Variants in DNAJC27 observed in about 807,000 individuals in gnomAD.
DNAJC27 encodes DnaJ heat shock protein family (Hsp40) member C27, also known as dnaJ homolog subfamily C member 27.
A neutral mutation model predicts 31.4 loss-of-function variants in DNAJC27; 25 were observed. The observed-to-expected ratio is 0.80, with a 90% confidence interval of 0.58 to 1.11. The LOEUF is 1.11. Among genes scored for constraint, DNAJC27 ranks in the 50% most tolerant of loss-of-function variants. The pLI is 0.00. For synonymous variants in DNAJC27, 106 were observed against 112.7 expected (o/e 0.94, Z 0.37); for missense variants, 356 against 347.3 (o/e 1.02, Z -0.20).
chr2:24,965,679 G>C (rs1251869841), intron 2 of DNAJC27, among the ~76,000 whole-genome samples: 1 of 152,204 alleles, frequency 6.6e-6, no homozygotes, highest in Non-Finnish European at 1.5e-5. Context: ...GGTGCTGTAA[G>C]AGCATTACAC....
chr2:24,967,624 C>G (rs1037505190), intron 1 of DNAJC27, among the ~76,000 whole-genome samples: 2 of 151,530 alleles, frequency 1.3e-5, no homozygotes, highest in East Asian at 3.9e-4. Flanking sequence ...TGTGTAAACC[C>G]GGGAGGCGGA....
At chr2:24,963,298 T>C in intron 3 of DNAJC27, 107 bp downstream of exon 3, 2 of 804,028 alleles carry the variant, frequency 2.5e-6, no homozygotes, top group Non-Finnish European at 3.9e-6. Context: ...GCTAAAATTA[T>C]GCAATTTTAC....
At position 24,947,679 on chromosome 2, in the gene DNAJC27, G is replaced by T; in HGVS notation, c.759C>A (p.Gly253=). The part of the protein sequence containing the change: ...LLHPDKCVAP[G]SEDAFKAVVN... ...CAACTGCTTTGAAGGCATCTTCACT[G>T]CCAGGTGCTACACATTTGTCAGGGT... Residue 253 remains glycine (G), a synonymous_variant, in exon 7 of 7, where the codon GGC becomes GGA. Coordinates refer to ENST00000264711, the MANE Select transcript of DNAJC27 (RefSeq NM_016544.3). 6.2e-7 allele frequency: 1 copy of T among 1,613,406 alleles called. No homozygotes were observed. Among genetic ancestry groups the T allele is most frequent in the Non-Finnish European group, 8.5e-7 (1 of 1,179,408 alleles).
rs1665639035 is a variant in DNAJC27 at position 24,945,967 on chromosome 2, C to T, written c.*1649G>A. On this transcript the variant is annotated 3_prime_UTR_variant, in exon 7 of 7. Coordinates refer to ENST00000264711, the MANE Select transcript of DNAJC27 (RefSeq NM_016544.3). ...GGATAGCTTTTTAAAATTCACAGGA[C>T]AGGAAGATTTTATATACTTTCAAGC... 1 of 152,072 alleles carries T rather than the reference C, an allele frequency of 6.6e-6. No homozygotes were observed. Among genetic ancestry groups the T allele is most frequent in the South Asian group, 2.1e-4 (1 of 4,830 alleles). 9.4% of individuals were successfully genotyped at this position (152,072 alleles called of 1,614,324 possible).
In DNAJC27 at chr2:24,971,840, A is replaced by G. The variant is rs755873615; in HGVS notation, c.65T>C (p.Met22Thr). The stretch of plus-strand genomic sequence containing the variant: ...CACTTTCCCCACTTCGGCGTTGCCC[A>G]TGGAGATGACTTTGATGCGGAGAGA... ...GRSLRIKVIS[M>T]GNAEVGKSCI... Residue 22 changes from methionine to threonine, a missense_variant, in exon 1 of 7, where the codon ATG becomes ACG. By Grantham distance (81) the Met-to-Thr change is moderately conservative (BLOSUM62 -1). Transcript: ENST00000264711. The G allele has an allele frequency of 3.7e-5, 60 of 1,609,196 alleles. No homozygotes were observed. The highest frequency in any genetic ancestry group is 1.2e-4 in the African/African-American group (9 of 74,504).
At chr2:24,968,444 A>C (rs567018420) in intron 1 of DNAJC27, among the ~76,000 whole-genome samples, 1 of 152,130 alleles carries the variant, frequency 6.6e-6, no homozygotes, top group South Asian at 2.1e-4. Context: ...CAAAATAATA[A>C]GTTTTTTTAA....
chr2:24,957,580 A>G (rs1345891311), intron 4 of DNAJC27, among the ~76,000 whole-genome samples: 2 of 151,764 alleles, frequency 1.3e-5, no homozygotes, highest in African/African-American at 4.9e-5. Flanking sequence ...TCAGTCACCA[A>G]CATCCTTCCC....
intron 2 of DNAJC27, among the ~76,000 whole-genome samples, chr2:24,966,566 C>T (rs1666187490): frequency 6.6e-6 from 1 of 152,088 alleles, no homozygotes; most frequent in Admixed American, 6.5e-5. Flanking sequence ...TCAAGTGATT[C>T]TCCTGCCTCA....
At chr2:24,953,486 T>C (rs1665831295) in intron 5 of DNAJC27, 1 of 184,168 alleles carries the variant, frequency 5.4e-6, no homozygotes. Flanking sequence ...ATTAAGTAGA[T>C]GGGAAATAAA....
intron 1 of DNAJC27, among the ~76,000 whole-genome samples, chr2:24,969,686 C>T (rs1286979297): frequency 3.3e-5 from 5 of 152,096 alleles, no homozygotes; most frequent in Non-Finnish European, 5.9e-5. Flanking sequence ...ACCATGTTGC[C>T]CAGGCTGGTC....
At chr2:24,961,096 C>A (rs948891113) in intron 3 of DNAJC27, among the ~76,000 whole-genome samples, 4 of 152,278 alleles carry the variant, frequency 2.6e-5, no homozygotes, top group Admixed American at 6.5e-5. Flanking sequence ...TCTCTTGTTA[C>A]GGGCTGACAG....
chr2:24,958,631 C>G (rs1010286416), intron 3 of DNAJC27: 2 of 346,336 alleles, frequency 5.8e-6, no homozygotes, highest in East Asian at 8.7e-5. Flanking sequence ...CTACTTACTT[C>G]ACAGGGTTAT....
chr2:24,948,756 C>T (rs941007868), intron 6 of DNAJC27, among the ~76,000 whole-genome samples: 2 of 152,306 alleles, frequency 1.3e-5, no homozygotes, highest in East Asian at 3.9e-4. Flanking sequence ...CCTCTGGTGT[C>T]AGGCCTCCCA....
intron 1 of DNAJC27, chr2:24,968,845 C>T (rs1043873444): frequency 2.6e-5 from 4 of 152,704 alleles, no homozygotes; most frequent in African/African-American, 9.7e-5. Flanking sequence ...CTTCCCAATA[C>T]CAATGGGAAA....
chr2:24,949,247 T>C (rs1665711575), intron 6 of DNAJC27, among the ~76,000 whole-genome samples: 1 of 152,170 alleles, frequency 6.6e-6, no homozygotes, highest in Admixed American at 6.5e-5. Context: ...GCAATTTGAA[T>C]TGTAAGAATT....
chr2:24,967,391 T>C (rs1213792006), intron 1 of DNAJC27, 98 bp from the exon 2 acceptor site: 1 of 970,140 alleles, frequency 1.0e-6, no homozygotes, highest in Non-Finnish European at 1.6e-6. Context: ...TTCATCACTA[T>C]GAAAAAGCAT....
chr2:24,967,428 C>T (rs561387093), intron 1 of DNAJC27, 135 bp from the exon 2 acceptor site: 22 of 678,960 alleles, frequency 3.2e-5, no homozygotes, highest in South Asian at 1.3e-4. Flanking sequence ...TGGCGGGGCG[C>T]GGTGGCTCAC....
At chr2:24,963,961 T>C (rs536870626) in intron 2 of DNAJC27, among the ~76,000 whole-genome samples, 2 of 152,336 alleles carry the variant, frequency 1.3e-5, no homozygotes, top group Admixed American at 6.5e-5. Flanking sequence ...GCAAGAGCAA[T>C]AGTGAATTTG....
intron 3 of DNAJC27, among the ~76,000 whole-genome samples, chr2:24,959,342 C>T (rs1332151962): frequency 6.6e-6 from 1 of 152,158 alleles, no homozygotes; most frequent in East Asian, 1.9e-4. Context: ...TCCTTCCTCC[C>T]AAATCAGCAA....
Sources: allele counts gnomAD v4.1 joint callset (sites outside exome capture counted in the v4.1 genomes callset), GRCh38; gene constraint gnomAD v4.1.1; transcripts MANE v1.5; gene names NCBI Gene and HGNC (gene_info 2026-07-23, HGNC 2026-07-21).